Variants in MAP3K1 observed in about 807,000 individuals in gnomAD.
The protein encoded by MAP3K1 is MAP/ERK kinase kinase 1.
A neutral mutation model predicts 144.2 loss-of-function variants in MAP3K1; 36 were observed. The ratio of observed to expected loss-of-function variants is 0.25; its 90% CI spans 0.19 to 0.33. The LOEUF (loss-of-function observed/expected upper bound fraction) is 0.33, where lower values mean the gene tolerates loss of function less well. Ranked by LOEUF, MAP3K1 falls within the 10% of genes least tolerant of loss-of-function variation. The pLI is 1.00. For missense variants in MAP3K1, 1,650 were observed against 1,881.9 expected, an observed-to-expected ratio of 0.88 and a Z score of 2.28; for synonymous variants, 718 against 688.7, an observed-to-expected ratio of 1.04 and a Z score of -0.67.
intron 6 of MAP3K1, among the ~76,000 whole-genome samples, chr5:56,870,930 G>C (rs1747831590): frequency 6.6e-6 from 1 of 152,078 alleles, no homozygotes; most frequent in Non-Finnish European, 1.5e-5. Context: ...AGAGATTTTA[G>C]TTTTTACTCC....
At chr5:56,854,685 G>A (rs1487100621) in intron 1 of MAP3K1, among the ~76,000 whole-genome samples, 1 of 152,124 alleles carries the variant, frequency 6.6e-6, no homozygotes, top group East Asian at 1.9e-4. Flanking sequence ...GTTTAGACAA[G>A]GAACATCCTT....
chr5:56,838,734 C>G lies in MAP3K1; in HGVS notation c.483-17866C>G, dbSNP rs541895161. On this transcript the variant is annotated intron_variant, in intron 1 of 19. Coordinates refer to ENST00000399503, the MANE Select transcript of MAP3K1 (RefSeq NM_005921.2). ...TGGGTGGCATTTGCTGGGCAGTGATCCCGTCTTCCAGTGGATTGACTAGGG... is the reference window on the plus strand; with the variant it reads ...TGGGTGGCATTTGCTGGGCAGTGATGCCGTCTTCCAGTGGATTGACTAGGG... Among the ~76,000 whole-genome samples, 279 of 152,288 alleles carry G rather than the reference C, an allele frequency of 1.8e-3. 7 individuals are homozygous for G. Among genetic ancestry groups the G allele is most frequent in the Non-Finnish European group, 3.4e-4 (23 of 68,028 alleles).
rs986318630 is a variant in MAP3K1, at chr5:56,894,380, A to AGT, written c.*700_*701insGT. 4.3e-6 allele frequency: 1 copy of AGT among 232,414 alleles called. No individual in the cohort carries two copies. Among genetic ancestry groups the AGT allele is most frequent in the African/African-American group, 2.2e-5 (1 of 45,280 alleles). 14.4% of individuals were successfully genotyped at this position (232,414 alleles called of 1,614,324 possible). ...CTTTTTTTCAAACCAGAAAAAAAAA[A>AGT]TGAACTAGATATGAAGTAGAGTTCA... On this transcript the variant is annotated 3_prime_UTR_variant, in exon 20 of 20. Transcript: ENST00000399503.
At chr5:56,866,352 G>C (rs1282006792) in intron 6 of MAP3K1, among the ~76,000 whole-genome samples, 1 of 152,074 alleles carries the variant, frequency 6.6e-6, no homozygotes, top group Non-Finnish European at 1.5e-5. Flanking sequence ...AGTCTCCAGT[G>C]ACCTATGATC....
chr5:56,855,655 C>T (rs1358395697), intron 1 of MAP3K1, among the ~76,000 whole-genome samples: 1 of 152,060 alleles, frequency 6.6e-6, no homozygotes, highest in Non-Finnish European at 1.5e-5. Flanking sequence ...TTGAATTTGT[C>T]TTTGTAGTAA....
intron 6 of MAP3K1, among the ~76,000 whole-genome samples, chr5:56,871,042 T>C (rs1747834600): frequency 6.6e-6 from 1 of 152,196 alleles, no homozygotes; most frequent in Non-Finnish European, 1.5e-5. Context: ...ATTTCCTTTG[T>C]CCATTGTACT....
intron 1 of MAP3K1, among the ~76,000 whole-genome samples, chr5:56,843,573 A>C (rs1436599192): frequency 6.6e-6 from 1 of 152,004 alleles, no homozygotes; most frequent in Non-Finnish European, 1.5e-5. Context: ...TTTTGCTTTC[A>C]CCCCAGACCT....
intron 1 of MAP3K1, among the ~76,000 whole-genome samples, chr5:56,818,123 T>C (rs1438754399): frequency 6.6e-6 from 1 of 152,184 alleles, no homozygotes; most frequent in African/African-American, 2.4e-5. Context: ...TATAGTAAAA[T>C]GTTGATTCCC....
intron 1 of MAP3K1, among the ~76,000 whole-genome samples, chr5:56,851,059 GCCTCAACTTC>G (rs1747153997): frequency 2.0e-5 from 3 of 152,158 alleles, no homozygotes; most frequent in Non-Finnish European, 4.4e-5. Flanking sequence ...TGATTCTCCT[GCCTCAACTTC>G]CCTACTAGCT....
At chr5:56,891,215 G>A (rs1265062467) in intron 19 of MAP3K1, among the ~76,000 whole-genome samples, 3 of 149,840 alleles carry the variant, frequency 2.0e-5, no homozygotes, top group African/African-American at 5.0e-5. Flanking sequence ...GAAGGAAGAG[G>A]GACTTTTTTT....
In MAP3K1 at chr5:56,875,207, G is replaced by C; in HGVS notation, c.1862G>C (p.Gly621Ala). Residue 621 changes from glycine to alanine, a missense_variant, in exon 10 of 20, where the codon GGG (glycine) becomes GCG (alanine). This residue lies in a region of MAP3K1 where 841 missense variants were observed against 886.5 expected (regional missense o/e 0.95). Transcript: ENST00000399503. Reference protein sequence around the residue: ...GSSPSGGATSGSSQTSISGDV... With the variant: ...GSSPSGGATSASSQTSISGDV... ...AGCCCGAGTGGGGGAGCCACCAGTGGGTCTTCCCAGACCAGTATCTCAGGA... is the reference window on the plus strand; with the variant it reads ...AGCCCGAGTGGGGGAGCCACCAGTGCGTCTTCCCAGACCAGTATCTCAGGA... The C allele has an allele frequency of 1.9e-6, 3 of 1,614,092 alleles. No homozygotes were observed. Among genetic ancestry groups the C allele is most frequent in the Non-Finnish European group, 2.5e-6 (3 of 1,180,020 alleles).
intron 9 of MAP3K1, among the ~76,000 whole-genome samples, chr5:56,873,560 G>A (rs990422512): frequency 2.6e-5 from 4 of 151,930 alleles, no homozygotes; most frequent in Admixed American, 2.6e-4. Flanking sequence ...CAGTAAGTAG[G>A]GCTTTTTTGT....
intron 1 of MAP3K1, chr5:56,852,125 T>A (rs144342433): frequency 6.6e-6 from 1 of 151,234 alleles, no homozygotes; most frequent in East Asian, 1.9e-4. Flanking sequence ...GAGTAAAATA[T>A]CATGGTATAT....
intron 1 of MAP3K1, among the ~76,000 whole-genome samples, chr5:56,843,424 AC>A (rs1467762456): frequency 6.6e-6 from 1 of 152,268 alleles, no homozygotes. Context: ...CAGGGTCTTT[AC>A]AATGAAATGA....
At chr5:56,851,294 T>C (rs1413265391) in intron 1 of MAP3K1, among the ~76,000 whole-genome samples, 4 of 152,196 alleles carry the variant, frequency 2.6e-5, no homozygotes, top group African/African-American at 7.2e-5. Context: ...GTGCCAGGCA[T>C]TGTGCAGAAC....
At position 56,875,116 on chromosome 5, in the gene MAP3K1, G is replaced by A; in HGVS notation, c.1771G>A (p.Val591Ile). ...GGCCCTCAGGCGTCTTTCCCATGAT[G>A]TCAGTGGGGCCCTGCTGTTGGCAAA... The part of the protein sequence containing the change: ...EMALRRLSHD[V>I]SGALLLANGE... Residue 591 changes from valine to isoleucine, a missense_variant, in exon 10 of 20, where the codon GTC (valine) becomes ATC (isoleucine). Val to Ile is a conservative substitution (Grantham distance 29). This residue lies in a region of MAP3K1 where 841 missense variants were observed against 886.5 expected (regional missense o/e 0.95). Transcript: ENST00000399503. The A allele has an allele frequency of 6.2e-7, 1 of 1,614,200 alleles. No individual in the cohort carries two copies. Among genetic ancestry groups the A allele is most frequent in the Non-Finnish European group, 8.5e-7 (1 of 1,180,028 alleles).
rs2111948258 is a variant in MAP3K1 at position 56,882,769 on chromosome 5, C to T, written c.3569C>T (p.Ala1190Val). ...KMEAEEEEAL[A>V]IAMAMSASQD... ...GAAGCTGAAGAAGAAGAAGCTTTAG[C>T]AATTGCCATGGCAATGTCAGCGTCT... The change falls in exon 14 of 20, where the codon GCA becomes GTA. Residue 1190 changes from alanine (A) to valine (V), a missense_variant. By Grantham distance (64) the Ala-to-Val change is moderately conservative (BLOSUM62 0). Coordinates refer to ENST00000399503, the MANE Select transcript of MAP3K1 (RefSeq NM_005921.2). The T allele has an allele frequency of 6.2e-7, 1 of 1,611,726 alleles. No individual in the cohort carries two copies. Among genetic ancestry groups the T allele is most frequent in the Non-Finnish European group, 8.5e-7 (1 of 1,178,904 alleles).
rs889319912 is a variant in MAP3K1, at chr5:56,894,706, A to G, written c.*1026A>G. 1 of 232,228 alleles carries G rather than the reference A, an allele frequency of 4.3e-6. No individual in the cohort carries two copies. The highest frequency in any genetic ancestry group is 2.2e-5 in the African/African-American group (1 of 45,322). 14.4% of individuals were successfully genotyped at this position (232,228 alleles called of 1,614,324 possible). ...ATCATTCACCTTCACTACTGGTAGT[A>G]ACATAGAGCTGCCATTTTCCTTTTA... On this transcript the variant is annotated 3_prime_UTR_variant, in exon 20 of 20. Transcript: ENST00000399503.
In MAP3K1 at chr5:56,826,367, T is replaced by G. The variant is rs1020384147; in HGVS notation, c.482+10312T>G. On this transcript the variant is annotated intron_variant, in intron 1 of 19. Coordinates refer to ENST00000399503, the MANE Select transcript of MAP3K1 (RefSeq NM_005921.2). The stretch of plus-strand genomic sequence containing the variant: ...GCCTTTTTAGTTTTTTTCTCTATCA[T>G]TGTACATGTAGTCAGGTCTTTCTGA... 1.8e-4 allele frequency among the ~76,000 whole-genome samples: 28 copies of G among 152,360 alleles called. No homozygotes were observed. In the South Asian group the frequency reaches 3.5e-3, roughly 19 times the overall value.
Sources: allele counts gnomAD v4.1 joint callset (sites outside exome capture counted in the v4.1 genomes callset), GRCh38; gene constraint gnomAD v4.1.1; regional missense constraint gnomAD v4.1.1; transcripts MANE v1.5; gene names NCBI Gene and HGNC (gene_info 2026-07-23, HGNC 2026-07-21).